CASR: variants seen among roughly 807,000 people sequenced by gnomAD.
CASR encodes extracellular calcium-sensing receptor.
Under a neutral mutation model 69.1 loss-of-function variants are expected in CASR, and 23 were observed. The ratio of observed to expected loss-of-function variants is 0.33; its 90% CI spans 0.24 to 0.47. The LOEUF is 0.47. Ranked by LOEUF, CASR falls within the 20% of genes least tolerant of loss-of-function variation. The probability of loss-of-function intolerance (pLI) is 1.00; values close to 1 mark genes in which losing one functional copy is unlikely to be tolerated. For missense variants in CASR, 924 were observed against 1,356.1 expected, an observed-to-expected ratio of 0.68 and a Z score of 5.00; for synonymous variants, 541 against 544.7, an observed-to-expected ratio of 0.99 and a Z score of 0.10.
chr3:122,257,578 CCTTCA>C, intron 3 of CASR, 191 bp downstream of exon 3: 1 of 558,662 alleles, frequency 1.8e-6, no homozygotes, highest in Non-Finnish European at 3.2e-6. Flanking sequence ...ATCAATGATA[CCTTCA>C]CTATGCTTCC....
chr3:122,215,146 C>T lies in CASR; in HGVS notation c.-243+31334C>T, dbSNP rs1267582544. ...AGAAAGCTGGGCCATACCATGATTA[C>T]GGCCCTCTGCCTCCATGGGTGAACT... On this transcript the variant is annotated intron_variant, in intron 1 of 6. Transcript: ENST00000639785. 9.2e-5 allele frequency among the ~76,000 whole-genome samples: 14 copies of T among 152,330 alleles called. No individual in the cohort carries two copies. The East Asian group carries it at 2.3e-3, about 25-fold the overall frequency.
intron 5 of CASR, among the ~76,000 whole-genome samples, chr3:122,278,992 C>T (rs113855335): frequency 2.0e-4 from 30 of 152,298 alleles, no homozygotes; most frequent in African/African-American, 7.2e-4. Context: ...CTACTAAGTG[C>T]GTCCCCATGA....
intron 1 of CASR, among the ~76,000 whole-genome samples, chr3:122,208,435 A>G (rs1054676684): frequency 2.0e-5 from 3 of 152,194 alleles, no homozygotes; most frequent in East Asian, 1.9e-4. Context: ...CATGCTTGAT[A>G]TATTTTTGTT....
rs1177734465 is a variant in CASR at position 122,254,068 on chromosome 3, T to C, written c.-122T>C. The C allele has an allele frequency of 4.5e-6, 4 of 880,440 alleles. No individual in the cohort carries two copies. Among genetic ancestry groups the C allele is most frequent in the Admixed American group, 1.7e-5 (1 of 58,558 alleles). 54.5% of individuals were successfully genotyped at this position (880,440 alleles called of 1,614,324 possible). ...TCAAACACCACGTCTTCTATTATTT[T>C]ATTAATCAATCTGTAGACATGTGTC... On this transcript the variant is annotated 5_prime_UTR_variant, in exon 2 of 7. Transcript: ENST00000639785.
chr3:122,234,726 T>A (rs775841765), intron 1 of CASR, among the ~76,000 whole-genome samples: 2 of 152,236 alleles, frequency 1.3e-5, no homozygotes, highest in Admixed American at 6.5e-5. Context: ...AGGCTCAGGC[T>A]ATGTGGACTA....
intron 4 of CASR, among the ~76,000 whole-genome samples, chr3:122,266,236 AG>A (rs142159075): frequency 0.18 from 27,030 of 151,856 alleles, 2,791 homozygotes; most frequent in African/African-American, 0.26. Context: ...AAAATCTTTT[AG>A]GGGAAATACC....
chr3:122,263,491 G>T (rs7652243), intron 4 of CASR, among the ~76,000 whole-genome samples: 140,144 of 152,296 alleles, frequency 0.92, 64,790 homozygotes, highest in East Asian at 0.98. Context: ...TTTCAGTACA[G>T]CTCTAATTAA....
At chr3:122,216,825 C>T (rs2074121626) in intron 1 of CASR, among the ~76,000 whole-genome samples, 1 of 152,134 alleles carries the variant, frequency 6.6e-6, no homozygotes, top group Non-Finnish European at 1.5e-5. Context: ...GAAAGAGTGC[C>T]TCATCAACAG....
intron 3 of CASR, 146 bp downstream of exon 3, chr3:122,257,533 C>T (rs914196167): frequency 2.4e-5 from 15 of 616,068 alleles, no homozygotes; most frequent in Middle Eastern, 4.3e-4. Flanking sequence ...TGTATCATGA[C>T]CATTTGGGAT....
intron 1 of CASR, among the ~76,000 whole-genome samples, chr3:122,207,758 A>T (rs1162397904): frequency 1.3e-5 from 2 of 152,132 alleles, no homozygotes; most frequent in Non-Finnish European, 1.5e-5. Flanking sequence ...TTTTCAGAAA[A>T]TTACTTTTCG....
intron 1 of CASR, among the ~76,000 whole-genome samples, chr3:122,212,738 T>C (rs2074081329): frequency 6.6e-6 from 1 of 151,834 alleles, no homozygotes; most frequent in South Asian, 2.1e-4. Flanking sequence ...GCTTCCCAAG[T>C]TCAAGCAATT....
intron 1 of CASR, among the ~76,000 whole-genome samples, chr3:122,235,218 C>T (rs1481794616): frequency 1.3e-5 from 2 of 152,166 alleles, no homozygotes; most frequent in East Asian, 1.9e-4. Context: ...TAATGAAAGA[C>T]TTAAGTGTAA....
Position 122,291,518 on chromosome 3 carries a change from G to A in CASR, c.*6327G>A, listed in dbSNP as rs576669867. The A allele has an allele frequency of 2.7e-4, 41 of 152,224 alleles. No individual in the cohort carries two copies. The highest frequency in any genetic ancestry group is 8.4e-4 in the African/African-American group (35 of 41,528). The allele number at this position is 152,224 out of a possible 1,614,324, so 9.4% of individuals were successfully genotyped here. On this transcript the variant is annotated 3_prime_UTR_variant, in exon 7 of 7. Coordinates refer to ENST00000639785, the MANE Select transcript of CASR (RefSeq NM_000388.4). ...TTATAAATGAAGATTGCTTGGTAGT[G>A]GACTAATGGATAATTGTTTCTGCTT... is the stretch of plus-strand genomic sequence containing the variant.
intron 1 of CASR, among the ~76,000 whole-genome samples, chr3:122,218,129 G>A (rs2074134823): frequency 6.6e-6 from 1 of 152,040 alleles, no homozygotes; most frequent in Non-Finnish European, 1.5e-5. Context: ...ATGGATTGGA[G>A]GGGGGCCCAA....
At chr3:122,238,722 C>G (rs1306122095) in intron 1 of CASR, among the ~76,000 whole-genome samples, 2 of 152,160 alleles carry the variant, frequency 1.3e-5, no homozygotes, top group African/African-American at 2.4e-5. Context: ...TGTCTTGCAC[C>G]TTGGATACCA....
rs1335382846 is a variant in CASR, at chr3:122,261,662, G to A, written c.627G>A (p.Val209=). 1.9e-6 allele frequency: 3 copies of A among 1,614,210 alleles called. No homozygotes were observed. The highest frequency in any genetic ancestry group is 4.5e-5 in the East Asian group (2 of 44,892). ...DIIEYFRWNW[V]GTIAADDDYG... ...TCGAGTATTTCCGCTGGAACTGGGT[G>A]GGCACAATTGCAGCTGATGACGACT... Residue 209 remains valine, a synonymous_variant, in exon 4 of 7, where the codon GTG becomes GTA. Coordinates refer to ENST00000639785, the MANE Select transcript of CASR (RefSeq NM_000388.4).
intron 5 of CASR, 144 bp from the exon 6 acceptor site, chr3:122,281,969 T>C: frequency 8.9e-7 from 1 of 1,123,692 alleles, no homozygotes; most frequent in Admixed American, 1.8e-5. Flanking sequence ...CCTCTGGACC[T>C]CCCTTTGCCT....
At chr3:122,207,876 C>T (rs2074023303) in intron 1 of CASR, among the ~76,000 whole-genome samples, 1 of 152,080 alleles carries the variant, frequency 6.6e-6, no homozygotes, top group Admixed American at 6.5e-5. Context: ...AAGTTCATAG[C>T]ATTAACTCTG....
chr3:122,283,627 C>T, intron 6 of CASR, 60 bp from the exon 7 acceptor site: 1 of 1,348,698 alleles, frequency 7.4e-7, no homozygotes, highest in East Asian at 2.3e-5. Flanking sequence ...ACCACATGTA[C>T]ACTCACACAT....
Sources: allele counts gnomAD v4.1 joint callset (sites outside exome capture counted in the v4.1 genomes callset), GRCh38; gene constraint gnomAD v4.1.1; transcripts MANE v1.5; gene names NCBI Gene and HGNC (gene_info 2026-07-23, HGNC 2026-07-21).